Variants in SLC39A6 observed in about 807,000 individuals in gnomAD.
The protein encoded by SLC39A6 is zinc transporter ZIP6.
SLC39A6 carries 51 observed loss-of-function variants against 63.5 expected under a neutral mutation model. The ratio of observed to expected loss-of-function variants is 0.80; its 90% CI spans 0.64 to 1.01. SLC39A6 has a LOEUF of 1.01. SLC39A6 is among the 50% of genes least tolerant of loss of function. The pLI, the probability that SLC39A6 is intolerant of heterozygous loss-of-function variation, is 0.00. For missense variants in SLC39A6, 805 were observed against 927.8 expected (o/e 0.87, Z 1.72); for synonymous variants, 318 against 324.7 (o/e 0.98, Z 0.22).
At position 36,111,501 on chromosome 18, in the gene SLC39A6, T is replaced by G. The variant is rs1598704427; in HGVS notation, c.1925-252A>C. On this transcript the variant is annotated intron_variant, in intron 8 of 9. Coordinates refer to ENST00000269187, the MANE Select transcript of SLC39A6 (RefSeq NM_012319.4). ...AAACTTTTTTTTTTTTTCTTTTTTT[T>G]GAGACAGTATCTTGCTCTGTCACCC... Among the ~76,000 whole-genome samples the G allele has an allele frequency of 5.3e-5, 8 of 150,304 alleles. No individual in the cohort carries two copies. The South Asian group carries it at 1.7e-3, about 32-fold the overall frequency.
Position 36,108,611 on chromosome 18 carries a change from C to T in SLC39A6, c.*982G>A, listed in dbSNP as rs1247249566. The T allele has an allele frequency of 1.3e-5, 2 of 152,068 alleles. No individual in the cohort carries two copies. Among genetic ancestry groups the T allele is most frequent in the Non-Finnish European group, 2.9e-5 (2 of 68,018 alleles). 9.4% of individuals were successfully genotyped at this position (152,068 alleles called of 1,614,324 possible). ...AGACAGGCCTAGTATGGCTACAGTA[C>T]CGTATATAAAAGACAATTGCTCACA... On this transcript the variant is annotated 3_prime_UTR_variant, in exon 10 of 10. Coordinates refer to ENST00000269187, the MANE Select transcript of SLC39A6 (RefSeq NM_012319.4).
In SLC39A6 at chr18:36,110,064, A is replaced by C. The variant is rs189602216; in HGVS notation, c.2116-319T>G. Reference sequence around the variant, plus strand: ...CTGGCTGCATATCTGAACTGGATATAACATGTAGTTTGTCTTTAGTTCAGA... The same window carrying C: ...CTGGCTGCATATCTGAACTGGATATCACATGTAGTTTGTCTTTAGTTCAGA... On this transcript the variant is annotated intron_variant, in intron 9 of 9. Transcript: ENST00000269187. Among the ~76,000 whole-genome samples, 652 of 152,320 alleles carry C rather than the reference A, an allele frequency of 4.3e-3. 3 individuals are homozygous for C. The highest frequency in any genetic ancestry group is 0.016 in the South Asian group (76 of 4,830).
At chr18:36,119,873 C>T (rs972201771) in intron 5 of SLC39A6, among the ~76,000 whole-genome samples, 3 of 150,936 alleles carry the variant, frequency 2.0e-5, no homozygotes, top group African/African-American at 7.3e-5. Context: ...GAGGAAGATG[C>T]TGTCTCTTAA....
intron 5 of SLC39A6, among the ~76,000 whole-genome samples, chr18:36,119,377 C>G (rs964008130): frequency 6.6e-5 from 10 of 152,068 alleles, no homozygotes; most frequent in Non-Finnish European, 1.5e-4. Flanking sequence ...ATATTTACTA[C>G]CATCGATTAT....
intron 8 of SLC39A6, among the ~76,000 whole-genome samples, chr18:36,112,275 T>C (rs1464049735): frequency 6.6e-6 from 1 of 152,256 alleles, no homozygotes; most frequent in East Asian, 1.9e-4. Context: ...TCCAATGAGA[T>C]TCTCTTTCTC....
chr18:36,129,208 C>T lies in SLC39A6; in HGVS notation c.-104G>A, dbSNP rs2089495638. On this transcript the variant is annotated 5_prime_UTR_variant, in exon 1 of 10. Transcript: ENST00000269187. The stretch of plus-strand genomic sequence containing the variant: ...GGGCTCGGAACGGGCCCACTGGTGT[C>T]TTCGAGAAATCTCTACCAGGCGCGA... The T allele has an allele frequency of 6.5e-6, 1 of 154,946 alleles. No homozygotes were observed. The highest frequency in any genetic ancestry group is 2.4e-5 in the African/African-American group (1 of 41,480). The allele number at this position is 154,946 out of a possible 1,614,324, so 9.6% of individuals were successfully genotyped here.
chr18:36,121,303 T>A (rs550715012), intron 5 of SLC39A6, among the ~76,000 whole-genome samples: 2 of 152,182 alleles, frequency 1.3e-5, no homozygotes, highest in Non-Finnish European at 2.9e-5. Flanking sequence ...ATTACAGGCA[T>A]GCGCCATCTC....
intron 7 of SLC39A6, 73 bp downstream of exon 7, chr18:36,114,024 T>A (rs1034063856): frequency 2.7e-6 from 4 of 1,500,556 alleles, no homozygotes; most frequent in Non-Finnish European, 3.6e-6. Flanking sequence ...CTATTCTTTG[T>A]TAAAATTTGA....
At position 36,124,526 on chromosome 18, in the gene SLC39A6, G is replaced by C. The variant is rs1157002523; in HGVS notation, c.964C>G (p.Gln322Glu). Residue 322 changes from glutamine (Q) to glutamate (E), a missense_variant, in exon 3 of 10, where the codon CAA (glutamine) becomes GAA (glutamate). Around this residue, in one of 4 missense-constraint regions of SLC39A6, gnomAD observed 639 missense variants for 644.0 expected, o/e 0.99. Transcript: ENST00000269187. Reference sequence around the variant, plus strand: ...ATAAAAAAGGCAATTTTACCTATTTGTAATGAATAGGTCTTTGGAGGGATT... The same window carrying C: ...ATAAAAAAGGCAATTTTACCTATTTCTAATGAATAGGTCTTTGGAGGGATT... The part of the protein sequence containing the change: ...AEIPPKTYSL[Q>E]IAWVGGFIAI... 2 of 1,521,198 alleles carry C rather than the reference G, an allele frequency of 1.3e-6. No individual in the cohort carries two copies. Among genetic ancestry groups the C allele is most frequent in the South Asian group, 2.5e-5 (2 of 78,708 alleles). The allele number at this position is 1,521,198 out of a possible 1,614,324, so 94.2% of individuals were successfully genotyped here.
At chr18:36,123,789 A>T in intron 3 of SLC39A6, 125 bp from the exon 4 acceptor site, 3 of 904,050 alleles carry the variant, frequency 3.3e-6, no homozygotes, top group Non-Finnish European at 4.9e-6. Context: ...CACAAATTCA[A>T]TGCAAATAGG....
chr18:36,120,759 C>T (rs1172353250), intron 5 of SLC39A6, among the ~76,000 whole-genome samples: 1 of 152,102 alleles, frequency 6.6e-6, no homozygotes, highest in African/African-American at 2.4e-5. Context: ...TCCCAAAGTG[C>T]TAGGATCATA....
At chr18:36,119,668 A>T (rs547662794) in intron 5 of SLC39A6, among the ~76,000 whole-genome samples, 1 of 152,200 alleles carries the variant, frequency 6.6e-6, no homozygotes, top group African/African-American at 2.4e-5. Context: ...TCTGTGTCAG[A>T]TAACAGAGGG....
At chr18:36,111,562 G>T (rs2089300085) in intron 8 of SLC39A6, among the ~76,000 whole-genome samples, 1 of 140,102 alleles carries the variant, frequency 7.1e-6, no homozygotes, top group South Asian at 2.2e-4. Flanking sequence ...TTGGCTCATT[G>T]CAACCTCTGC....
At position 36,123,507 on chromosome 18, in the gene SLC39A6, G is replaced by C; in HGVS notation, c.1128C>G (p.His376Gln). ...VGTLSGDAFL[H>Q]LLPHSHASHH... ...TTACTATACTTACATGTGGAAGAAG[G>C]TGTAAAAAAGCATCACCACTCAAAG... Residue 376 changes from histidine (H) to glutamine (Q), a missense_variant, in exon 4 of 10, where the codon CAC becomes CAG. Physicochemically the swap from His to Gln is conservative, Grantham distance 24. Around this residue, in one of 4 missense-constraint regions of SLC39A6, gnomAD observed 639 missense variants for 644.0 expected, o/e 0.99. Transcript: ENST00000269187. 2 of 1,610,422 alleles carry C rather than the reference G, an allele frequency of 1.2e-6. No homozygotes were observed. Among genetic ancestry groups the C allele is most frequent in the South Asian group, 1.1e-5 (1 of 90,156 alleles).
At chr18:36,113,628 T>C (rs539360081) in intron 7 of SLC39A6, among the ~76,000 whole-genome samples, 1 of 152,340 alleles carries the variant, frequency 6.6e-6, no homozygotes, top group South Asian at 2.1e-4. Flanking sequence ...CCAATTGTGG[T>C]ATAACAATTT....
intron 5 of SLC39A6, among the ~76,000 whole-genome samples, chr18:36,117,714 C>T (rs183702228): frequency 8.3e-4 from 126 of 152,304 alleles, no homozygotes; most frequent in Admixed American, 2.0e-3. Context: ...AGTGTCTATA[C>T]ATTCTTAGAT....
At chr18:36,120,951 G>C (rs8092264) in intron 5 of SLC39A6, among the ~76,000 whole-genome samples, 2 of 151,882 alleles carry the variant, frequency 1.3e-5, no homozygotes, top group African/African-American at 4.8e-5. Flanking sequence ...CTTTAAGTGT[G>C]TAATCTCTTG....
Position 36,124,702 on chromosome 18 carries a change from T to C in SLC39A6, c.790-2A>G. Reference sequence around the variant, plus strand: ...CAGTAGCTTTGATGCATTGAAACACTGAAAGAAACAAAGCAGTGAAAATCA... The same window carrying C: ...CAGTAGCTTTGATGCATTGAAACACCGAAAGAAACAAAGCAGTGAAAATCA... On this transcript the variant is annotated splice_acceptor_variant, in intron 2 of 9. Transcript: ENST00000269187. LOFTEE classifies it high-confidence loss of function. The C allele has an allele frequency of 6.5e-7, 1 of 1,533,804 alleles. No homozygotes were observed. Among genetic ancestry groups the C allele is most frequent in the Non-Finnish European group, 8.9e-7 (1 of 1,121,176 alleles).
rs59445780 is a variant in SLC39A6 at position 36,115,461 on chromosome 18, A to AAACAACAACAAC, written c.1466-999_1466-988dup. 5.6e-3 allele frequency among the ~76,000 whole-genome samples: 827 copies of AAACAACAACAAC among 147,550 alleles called. 12 individuals carry two copies. Among genetic ancestry groups the AAACAACAACAAC allele is most frequent in the African/African-American group, 0.02 (797 of 39,476 alleles). On this transcript the variant is annotated intron_variant, in intron 6 of 9. Transcript: ENST00000269187. Reference sequence around the variant, plus strand: ...CGTCTCAAAAAAAAAAAAAAAATTAAAACAACAACAACAACAACAACAACA... The same window carrying AAACAACAACAAC: ...CGTCTCAAAAAAAAAAAAAAAATTAAAACAACAACAACAACAACAACAACAACAACAACAACA...
Sources: allele counts gnomAD v4.1 joint callset (sites outside exome capture counted in the v4.1 genomes callset), GRCh38; gene constraint gnomAD v4.1.1; regional missense constraint gnomAD v4.1.1; transcripts MANE v1.5; gene names NCBI Gene and HGNC (gene_info 2026-07-23, HGNC 2026-07-21).